The following TBC1D12 variants were observed in gnomAD, a reference collection of about 807,000 sequenced individuals.
TBC1D12 encodes TBC1 domain family member 12.
In TBC1D12, 56 loss-of-function variants were observed where a neutral mutation model predicts 86.7. The observed-to-expected ratio is 0.65, with a 90% CI of 0.52 to 0.81. TBC1D12 has a LOEUF of 0.81. Among genes scored for constraint, TBC1D12 ranks in the 30% least tolerant of loss-of-function variants. TBC1D12 has a pLI of 0.00. For synonymous variants in TBC1D12, 421 were observed against 411.7 expected (o/e 1.02, Z -0.27); for missense variants, 1,023 against 1,038.8 (o/e 0.98, Z 0.21).
At chr10:94,478,217 G>T (rs2056021944) in intron 3 of TBC1D12, among the ~76,000 whole-genome samples, 1 of 152,102 alleles carries the variant, frequency 6.6e-6, no homozygotes. Flanking sequence ...AGCTCTGATT[G>T]TGCCACTGCA....
intron 1 of TBC1D12, 115 bp from the exon 2 acceptor site, chr10:94,441,781 G>A (rs2055385552): frequency 2.0e-6 from 2 of 1,021,846 alleles, no homozygotes; most frequent in South Asian, 1.7e-5. Context: ...AGTAGAAATA[G>A]TTTTATTTAA....
intron 11 of TBC1D12, among the ~76,000 whole-genome samples, chr10:94,527,249 C>T (rs1842315902): frequency 6.6e-6 from 1 of 152,046 alleles, no homozygotes; most frequent in South Asian, 2.1e-4. Flanking sequence ...TGCACCAGAC[C>T]TGGCTAATTT....
chr10:94,418,024 G>A (rs1156797634), intron 1 of TBC1D12, among the ~76,000 whole-genome samples: 3 of 152,126 alleles, frequency 2.0e-5, no homozygotes, highest in Admixed American at 2.0e-4. Context: ...AAAGTGCGGA[G>A]ATTACAGACG....
intron 3 of TBC1D12, among the ~76,000 whole-genome samples, chr10:94,489,390 G>T (rs888176317): frequency 3.9e-5 from 6 of 152,206 alleles, no homozygotes; most frequent in African/African-American, 1.4e-4. Context: ...GGGGTTGGGG[G>T]AGGGGTGGTG....
intron 7 of TBC1D12, among the ~76,000 whole-genome samples, chr10:94,508,135 T>C (rs2056483611): frequency 6.6e-6 from 1 of 152,172 alleles, no homozygotes; most frequent in Admixed American, 6.6e-5. Flanking sequence ...TTTTGGTCAT[T>C]GTCTTTTTAA....
chr10:94,437,926 T>C (rs2055326185), intron 1 of TBC1D12, among the ~76,000 whole-genome samples: 1 of 149,048 alleles, frequency 6.7e-6, no homozygotes, highest in Non-Finnish European at 1.5e-5. Flanking sequence ...ATTTTCCCCC[T>C]TTATCCTCCT....
chr10:94,521,229 A>C (rs527676756), intron 9 of TBC1D12, among the ~76,000 whole-genome samples: 7 of 142,412 alleles, frequency 4.9e-5, no homozygotes, highest in Admixed American at 2.7e-4. Flanking sequence ...ACCAAAAAAA[A>C]AAAAAAAACA....
At chr10:94,510,371 T>C (rs1322706500) in intron 8 of TBC1D12, among the ~76,000 whole-genome samples, 192 bp downstream of exon 8, 1 of 152,224 alleles carries the variant, frequency 6.6e-6, no homozygotes, top group African/African-American at 2.4e-5. Flanking sequence ...CTGACCGAAA[T>C]ACATTATAGT....
rs563170702 is a variant in TBC1D12, at chr10:94,420,660, T to A, written c.971+17076T>A. Among the ~76,000 whole-genome samples the A allele has an allele frequency of 5.3e-5, 8 of 152,342 alleles. No homozygotes were observed. The East Asian group carries it at 1.2e-3, about 22-fold the overall frequency. ...TGGCTTCTTTCACTTTGCATGTTTT[T>A]AAGGTTCATTTATATTGTAGCATGC... On this transcript the variant is annotated intron_variant, in intron 1 of 12. Coordinates refer to ENST00000225235, the MANE Select transcript of TBC1D12 (RefSeq NM_015188.2).
intron 11 of TBC1D12, among the ~76,000 whole-genome samples, chr10:94,523,643 AATTTT>A (rs1281808825): frequency 6.6e-6 from 1 of 152,066 alleles, no homozygotes; most frequent in Non-Finnish European, 1.5e-5. Context: ...TTCCACACAC[AATTTT>A]ATTTCCTAGA....
intron 12 of TBC1D12, among the ~76,000 whole-genome samples, chr10:94,532,171 C>T (rs1470522472): frequency 6.7e-6 from 1 of 149,514 alleles, no homozygotes; most frequent in Non-Finnish European, 1.5e-5. Flanking sequence ...TCAGTCACCG[C>T]GCCTGGCCTA....
At chr10:94,411,800 A>G (rs1388563905) in intron 1 of TBC1D12, among the ~76,000 whole-genome samples, 1 of 152,184 alleles carries the variant, frequency 6.6e-6, no homozygotes, top group African/African-American at 2.4e-5. Context: ...TCTTCAAAAA[A>G]TAAAAAAACT....
chr10:94,535,222 T>G lies in TBC1D12; in HGVS notation c.*2126T>G, dbSNP rs189765618. 8.3e-4 allele frequency: 126 copies of G among 152,298 alleles called. No homozygotes were observed. The highest frequency in any genetic ancestry group is 2.7e-3 in the African/African-American group (113 of 41,576). The allele number at this position is 152,298 out of a possible 1,614,324, so 9.4% of individuals were successfully genotyped here. A position where few individuals can be genotyped will look rare whatever the true frequency, so the allele number is the denominator to read the frequency against. ...AGGTGGGGGCAAGGCTATATCTGAT[T>G]GACAGAGATCTCTGATCTCTAATGA... On this transcript the variant is annotated 3_prime_UTR_variant, in exon 13 of 13. Coordinates refer to ENST00000225235, the MANE Select transcript of TBC1D12 (RefSeq NM_015188.2).
intron 3 of TBC1D12, among the ~76,000 whole-genome samples, chr10:94,478,921 A>C (rs1426944616): frequency 3.3e-5 from 5 of 151,944 alleles, no homozygotes; most frequent in Non-Finnish European, 7.4e-5. Flanking sequence ...TGTGCACTGC[A>C]CTCCAGTCTG....
intron 3 of TBC1D12, 71 bp downstream of exon 3, chr10:94,474,854 T>A: frequency 1.5e-6 from 2 of 1,348,120 alleles, no homozygotes; most frequent in Non-Finnish European, 2.1e-6. Context: ...TTCACTATTT[T>A]AAAAGATAGC....
At chr10:94,468,316 A>G (rs1001058728) in intron 2 of TBC1D12, among the ~76,000 whole-genome samples, 1 of 152,156 alleles carries the variant, frequency 6.6e-6, no homozygotes, top group Non-Finnish European at 1.5e-5. Flanking sequence ...TTTTCATGTG[A>G]TACATACTTT....
At chr10:94,405,730 T>TCC (rs1391055680) in intron 1 of TBC1D12, among the ~76,000 whole-genome samples, 1 of 152,152 alleles carries the variant, frequency 6.6e-6, no homozygotes, top group Non-Finnish European at 1.5e-5. Context: ...TAGAAAACTG[T>TCC]CCCTTACCTG....
chr10:94,409,832 ATT>A (rs1474474485), intron 1 of TBC1D12, among the ~76,000 whole-genome samples: 1 of 152,168 alleles, frequency 6.6e-6, no homozygotes, highest in Non-Finnish European at 1.5e-5. Flanking sequence ...ATAGTTTTAG[ATT>A]TGTAGAAAAG....
At chr10:94,515,283 G>A (rs543043162) in intron 9 of TBC1D12, among the ~76,000 whole-genome samples, 1 of 151,766 alleles carries the variant, frequency 6.6e-6, no homozygotes, top group African/African-American at 2.4e-5. Flanking sequence ...AGCAGTCCCC[G>A]CTTATCCTCA....
Sources: allele counts gnomAD v4.1 joint callset (sites outside exome capture counted in the v4.1 genomes callset), GRCh38; gene constraint gnomAD v4.1.1; transcripts MANE v1.5; gene names NCBI Gene and HGNC (gene_info 2026-07-23, HGNC 2026-07-21).